Variants in HDGFL2 observed in about 807,000 individuals in gnomAD.
HDGFL2 encodes HDGF like 2.
In HDGFL2, 36 loss-of-function variants were observed where a neutral mutation model predicts 77.1. The ratio of observed to expected loss-of-function variants is 0.47; its 90% CI spans 0.36 to 0.62. The LOEUF is 0.62. Ranked by LOEUF, HDGFL2 falls within the 20% of genes least tolerant of loss-of-function variation. HDGFL2 has a pLI of 0.00. For missense variants in HDGFL2, 976 were observed against 973.4 expected (o/e 1.00, Z -0.04); for synonymous variants, 463 against 413.1 (o/e 1.12, Z -1.46).
chr19:4,478,195 C>CTTT, intron 3 of HDGFL2, among the ~76,000 whole-genome samples: 1 of 102,414 alleles, frequency 9.8e-6, no homozygotes, highest in Non-Finnish European at 2.1e-5. Flanking sequence ...CCGGATGCTG[C>CTTT]TGTTTTTTTT....
At chr19:4,491,930 G>A in intron 6 of HDGFL2, 95 bp downstream of exon 6, 5 of 1,152,586 alleles carry the variant, frequency 4.3e-6, no homozygotes, top group Non-Finnish European at 6.4e-6. Context: ...CATTTCTGGA[G>A]GGGGTGGGAC....
intron 15 of HDGFL2, 97 bp downstream of exon 15, chr19:4,501,414 G>A: frequency 7.1e-7 from 1 of 1,418,334 alleles, no homozygotes; most frequent in Non-Finnish European, 9.5e-7. Context: ...GTCCCTCTGG[G>A]ATGGGTCCCA....
intron 9 of HDGFL2, among the ~76,000 whole-genome samples, chr19:4,494,710 A>G (rs1156692607): frequency 6.6e-6 from 1 of 152,044 alleles, no homozygotes; most frequent in East Asian, 1.9e-4. Flanking sequence ...ACTTGAGTCC[A>G]GCTCGAGACC....
At chr19:4,478,425 C>T (rs1185361960) in intron 3 of HDGFL2, among the ~76,000 whole-genome samples, 3 of 152,074 alleles carry the variant, frequency 2.0e-5, no homozygotes, top group Non-Finnish European at 4.4e-5. Context: ...TGGTCTTGAA[C>T]TCCTGACCTC....
At chr19:4,492,727 TGTG>T (rs1252396094) in intron 6 of HDGFL2, among the ~76,000 whole-genome samples, 2 of 144,538 alleles carry the variant, frequency 1.4e-5, no homozygotes, top group African/African-American at 2.6e-5. Flanking sequence ...GTGTGGTGTG[TGTG>T]GTGTATGTGT....
Position 4,475,602 on chromosome 19 carries a change from G to C in HDGFL2, c.288+19G>C, listed in dbSNP as rs1975051853. 6.4e-7 allele frequency: 1 copy of C among 1,559,308 alleles called. No homozygotes were observed. Among genetic ancestry groups the C allele is most frequent in the Non-Finnish European group, 8.6e-7 (1 of 1,159,462 alleles). On this transcript the variant is annotated intron_variant, in intron 3 of 15. Coordinates refer to ENST00000616600, the MANE Select transcript of HDGFL2 (RefSeq NM_001001520.3). ...CCCTCCGGTGAGTACCCGGGGTGGAGAGCCAGTGTGAAGCGCGCTACTGAT... is the reference window on the plus strand; with the variant it reads ...CCCTCCGGTGAGTACCCGGGGTGGACAGCCAGTGTGAAGCGCGCTACTGAT...
chr19:4,502,044 C>T lies in HDGFL2; in HGVS notation c.*34C>T. 1 of 1,441,328 alleles carries T rather than the reference C, an allele frequency of 6.9e-7. No individual in the cohort carries two copies. Among genetic ancestry groups the T allele is most frequent in the Non-Finnish European group, 9.4e-7 (1 of 1,060,962 alleles). 89.3% of individuals were successfully genotyped at this position (1,441,328 alleles called of 1,614,324 possible). On this transcript the variant is annotated 3_prime_UTR_variant, in exon 16 of 16. Transcript: ENST00000616600. Reference sequence around the variant, plus strand: ...CAGCCAGGCCCAGCCCCCGCCCGAGCTCAGGCTGCCCCTCTCCTTCCCCGG... The same window carrying T: ...CAGCCAGGCCCAGCCCCCGCCCGAGTTCAGGCTGCCCCTCTCCTTCCCCGG...
chr19:4,476,415 ACTC>A (rs1475319071), intron 3 of HDGFL2, among the ~76,000 whole-genome samples: 1 of 150,196 alleles, frequency 6.7e-6, no homozygotes, highest in Non-Finnish European at 1.5e-5. Flanking sequence ...CTGGTCTCGA[ACTC>A]CTGAACTCAG....
chr19:4,487,992 ACAGAGT>A (rs1185667777), intron 3 of HDGFL2, among the ~76,000 whole-genome samples: 2 of 150,644 alleles, frequency 1.3e-5, no homozygotes, highest in African/African-American at 4.9e-5. Flanking sequence ...TTTTTTTGAG[ACAGAGT>A]CTCACTCTGT....
chr19:4,496,380 C>G lies in HDGFL2; in HGVS notation c.1303C>G (p.Arg435Gly), dbSNP rs369666897. ...RKPGQKEKRV[R>G]PEEKQQAKPV... ...ACCTGGCCAGAAGGAGAAGAGAGTG[C>G]GGCCCGAGGAGAAGCAACAAGCCAA... Residue 435 changes from arginine (R) to glycine (G), a missense_variant, in exon 10 of 16, where the codon CGG becomes GGG. Coordinates refer to ENST00000616600, the MANE Select transcript of HDGFL2 (RefSeq NM_001001520.3). 6.8e-6 allele frequency: 11 copies of G among 1,613,716 alleles called. No homozygotes were observed. Among genetic ancestry groups the G allele is most frequent in the Non-Finnish European group, 9.3e-6 (11 of 1,179,864 alleles).
rs371778185 is a variant in HDGFL2, at chr19:4,499,568, C to G, written c.1653C>G (p.Leu551=). Residue 551 remains leucine (L), a synonymous_variant, in exon 14 of 16, where the codon CTC becomes CTG. Coordinates refer to ENST00000616600, the MANE Select transcript of HDGFL2 (RefSeq NM_001001520.3). ...EVYTRLKSRV[L]GPKIEAVQKV... ...ATACCCGGCTCAAGTCGCGGGTCCT[C>G]GGCCCAAAGATCGAGGCGGTGCAGA... 4 of 1,613,358 alleles carry G rather than the reference C, an allele frequency of 2.5e-6. No homozygotes were observed. The Admixed American group carries it at 6.7e-5, about 27-fold the overall frequency.
At chr19:4,477,517 T>G (rs1372312420) in intron 3 of HDGFL2, among the ~76,000 whole-genome samples, 1 of 152,164 alleles carries the variant, frequency 6.6e-6, no homozygotes, top group Non-Finnish European at 1.5e-5. Context: ...TCCTTCAAGG[T>G]AGCTGTTTCA....
At chr19:4,496,911 T>C (rs1975718258) in intron 10 of HDGFL2, 2 of 411,828 alleles carry the variant, frequency 4.9e-6, no homozygotes, top group Non-Finnish European at 9.5e-6. Context: ...TCTTGCTCTT[T>C]TGCACAGGCT....
At chr19:4,499,089 T>C (rs143370601) in intron 13 of HDGFL2, among the ~76,000 whole-genome samples, 174 bp downstream of exon 13, 80 of 152,262 alleles carry the variant, frequency 5.3e-4, no homozygotes, top group Non-Finnish European at 9.9e-4. Flanking sequence ...GGCTCACGCC[T>C]GTAATCCCAG....
chr19:4,500,748 A>G (rs1975848002), intron 14 of HDGFL2, among the ~76,000 whole-genome samples: 2 of 152,064 alleles, frequency 1.3e-5, no homozygotes, highest in Admixed American at 1.3e-4. Context: ...GGCGTGAGCC[A>G]CTGCGCCCTG....
chr19:4,501,462 C>T, intron 15 of HDGFL2, 145 bp downstream of exon 15: 2 of 988,760 alleles, frequency 2.0e-6, no homozygotes, highest in Non-Finnish European at 2.8e-6. Context: ...ACCTTCACAG[C>T]TGACCCCAGG....
rs1032427667 is a variant in HDGFL2 at position 4,499,658 on chromosome 19, C to T, written c.1743C>T (p.Ala581=). 4.2e-5 allele frequency: 57 copies of T among 1,364,402 alleles called. No individual in the cohort carries two copies. The East Asian group carries it at 4.5e-4, about 11-fold the overall frequency. The allele number at this position is 1,364,402 out of a possible 1,614,324, so 84.5% of individuals were successfully genotyped here. A position where few individuals can be genotyped will look rare whatever the true frequency, so the allele number is the denominator to read the frequency against. The change falls in exon 14 of 16, where the codon GCC becomes GCT. Residue 581 remains alanine, a synonymous_variant. Transcript: ENST00000616600. ...AEEKLAGEEL[A]GEEAPQEKAE... is the part of the protein sequence containing the mutation. ...AGAAGCTGGCCGGGGAGGAGCTGGC[C>T]GGGGAGGAGGCCCCCCAGGAGAAGG...
intron 10 of HDGFL2, chr19:4,497,537 G>T: frequency 6.7e-6 from 2 of 300,376 alleles, no homozygotes; most frequent in Non-Finnish European, 6.4e-6. Context: ...GGGCAAACCT[G>T]CCCATGAGAA....
At chr19:4,481,085 G>A (rs1030732723) in intron 3 of HDGFL2, among the ~76,000 whole-genome samples, 13 of 151,644 alleles carry the variant, frequency 8.6e-5, no homozygotes, top group East Asian at 2.0e-4. Context: ...GCAGTGGTGC[G>A]GTCTCTGCTC....
Sources: gnomAD v4.1 joint callset for allele counts (sites outside exome capture counted in the v4.1 genomes callset) on GRCh38, gnomAD v4.1.1 for gene constraint, MANE v1.5 for transcripts, NCBI Gene and HGNC (gene_info 2026-07-23, HGNC 2026-07-21) for gene names.